Variants in CPED1 observed in about 807,000 individuals in gnomAD.
CPED1 encodes cadherin-like and PC-esterase domain-containing protein 1.
Under a neutral mutation model 128.2 loss-of-function variants are expected in CPED1, and 114 were observed. The observed-to-expected ratio is 0.89, with a 90% CI of 0.76 to 1.04. The LOEUF is 1.04. Among genes scored for constraint, CPED1 ranks in the 50% least tolerant of loss-of-function variants. CPED1 has a pLI of 0.00. For synonymous variants in CPED1, 462 were observed against 426.7 expected (o/e 1.08, Z -1.02); for missense variants, 1,211 against 1,207.1 (o/e 1.00, Z -0.05).
intron 16 of CPED1, among the ~76,000 whole-genome samples, chr7:121,190,570 C>T (rs1383457973): frequency 6.6e-6 from 1 of 152,010 alleles, no homozygotes; most frequent in Non-Finnish European, 1.5e-5. Flanking sequence ...AGACATTAAA[C>T]TGCCCCTAAT....
At chr7:121,149,570 A>G (rs976035565) in intron 16 of CPED1, 3 of 152,224 alleles carry the variant, frequency 2.0e-5, no homozygotes, top group African/African-American at 7.2e-5. Flanking sequence ...GCTACCCAGC[A>G]GAGCAGCAGA....
At chr7:121,230,655 C>T (rs1272526092) in intron 16 of CPED1, among the ~76,000 whole-genome samples, 4 of 151,930 alleles carry the variant, frequency 2.6e-5, no homozygotes, top group Non-Finnish European at 4.4e-5. Context: ...TGTTGTTCTT[C>T]CAGCTATCAA....
chr7:121,020,400 T>C (rs1335558553), intron 3 of CPED1, among the ~76,000 whole-genome samples: 1 of 151,634 alleles, frequency 6.6e-6, no homozygotes, highest in Non-Finnish European at 1.5e-5. Flanking sequence ...TTTGGCAGCA[T>C]TTGTTTTACA....
At chr7:121,241,763 G>C (rs2116681286) in intron 17 of CPED1, among the ~76,000 whole-genome samples, 1 of 152,312 alleles carries the variant, frequency 6.6e-6, no homozygotes, top group East Asian at 1.9e-4. Flanking sequence ...GGCTCACTGA[G>C]AGTAGAGGTG....
chr7:121,111,108 T>C (rs1012310644), intron 7 of CPED1, among the ~76,000 whole-genome samples: 2 of 151,798 alleles, frequency 1.3e-5, no homozygotes, highest in African/African-American at 4.8e-5. Context: ...AATGAGGAGG[T>C]GGAGAGGCAC....
In CPED1 at chr7:121,013,991, G is replaced by A. The variant is rs574216327; in HGVS notation, c.250-1674G>A. ...CCTGGCTGTTAAAGGGCTGATATGC[G>A]AAAAATGTAATTTCCTTTCGTGAGT... is the stretch of plus-strand genomic sequence containing the variant. On this transcript the variant is annotated intron_variant, in intron 2 of 22. Transcript: ENST00000310396. 9.2e-5 allele frequency among the ~76,000 whole-genome samples: 14 copies of A among 152,300 alleles called. No individual in the cohort carries two copies. The South Asian group carries it at 1.7e-3, about 18-fold the overall frequency.
chr7:121,256,252 A>G (rs1348326291), intron 18 of CPED1, among the ~76,000 whole-genome samples: 1 of 152,084 alleles, frequency 6.6e-6, no homozygotes, highest in African/African-American at 2.4e-5. Context: ...CAAGTGGAAC[A>G]GAATAGAAAA....
At chr7:121,126,338 A>T (rs1329249527) in intron 9 of CPED1, among the ~76,000 whole-genome samples, 1 of 151,856 alleles carries the variant, frequency 6.6e-6, no homozygotes, top group African/African-American at 2.4e-5. Context: ...TTTTTTTCTG[A>T]TATAGATATG....
intron 7 of CPED1, among the ~76,000 whole-genome samples, chr7:121,111,942 C>T (rs1449829624): frequency 6.6e-6 from 1 of 152,152 alleles, no homozygotes; most frequent in Non-Finnish European, 1.5e-5. Context: ...ACCAGCTCTG[C>T]TCATCTCTAT....
intron 5 of CPED1, among the ~76,000 whole-genome samples, chr7:121,096,101 G>A (rs1250837448): frequency 6.6e-6 from 1 of 152,036 alleles, no homozygotes; most frequent in Admixed American, 6.6e-5. Flanking sequence ...CCCAAGAAAA[G>A]AAAATTAACT....
At chr7:121,087,547 T>C (rs1301679474) in intron 5 of CPED1, among the ~76,000 whole-genome samples, 1 of 152,200 alleles carries the variant, frequency 6.6e-6, no homozygotes, top group Non-Finnish European at 1.5e-5. Flanking sequence ...AAAGCTAACT[T>C]GAATTATCTC....
intron 16 of CPED1, among the ~76,000 whole-genome samples, chr7:121,185,323 A>G (rs1796978721): frequency 6.6e-6 from 1 of 152,202 alleles, no homozygotes; most frequent in Non-Finnish European, 1.5e-5. Flanking sequence ...CTTATTCTTT[A>G]GTAAATATAC....
chr7:121,090,518 G>A (rs145259454), intron 5 of CPED1, among the ~76,000 whole-genome samples: 28 of 152,304 alleles, frequency 1.8e-4, no homozygotes, highest in African/African-American at 6.5e-4. Flanking sequence ...GTCAGATCTT[G>A]ATAAGTGAAT....
chr7:121,044,101 G>T (rs752544855), intron 3 of CPED1, among the ~76,000 whole-genome samples: 29 of 152,046 alleles, frequency 1.9e-4, no homozygotes, highest in Non-Finnish European at 3.5e-4. Context: ...TTTGATCTCT[G>T]CCCAGTTTCT....
intron 18 of CPED1, among the ~76,000 whole-genome samples, chr7:121,256,135 A>AAAAAAC (rs1791865587): frequency 6.7e-6 from 1 of 148,882 alleles, no homozygotes; most frequent in African/African-American, 2.5e-5. Context: ...AAAACAAAAA[A>AAAAAAC]AAAAAACAAA....
intron 22 of CPED1, among the ~76,000 whole-genome samples, chr7:121,277,880 C>T (rs1393649845): frequency 3.3e-5 from 5 of 151,924 alleles, no homozygotes; most frequent in African/African-American, 4.8e-5. Flanking sequence ...AAACTAATAG[C>T]GGGAAAACTC....
chr7:121,128,923 A>G (rs1482098025), intron 11 of CPED1, among the ~76,000 whole-genome samples: 4 of 152,038 alleles, frequency 2.6e-5, no homozygotes, highest in Non-Finnish European at 5.9e-5. Flanking sequence ...AAGACTGCCT[A>G]AACCTTAATT....
At chr7:121,053,350 G>A (rs544078197) in intron 4 of CPED1, among the ~76,000 whole-genome samples, 6 of 152,120 alleles carry the variant, frequency 3.9e-5, no homozygotes, top group African/African-American at 1.4e-4. Context: ...CATATTTGAA[G>A]AGTACTGGTC....
intron 16 of CPED1, among the ~76,000 whole-genome samples, chr7:121,194,022 C>CTCTCTATATA (rs1484413430): frequency 4.0e-5 from 3 of 74,744 alleles, no homozygotes; most frequent in African/African-American, 5.3e-5. Flanking sequence ...CTCTCTCTCT[C>CTCTCTATATA]TATATATATA....
Sources: allele counts gnomAD v4.1 joint callset (sites outside exome capture counted in the v4.1 genomes callset), GRCh38; gene constraint gnomAD v4.1.1; transcripts MANE v1.5; gene names NCBI Gene and HGNC (gene_info 2026-07-23, HGNC 2026-07-21).